ULK4: variants seen among roughly 807,000 people sequenced by gnomAD.
ULK4 encodes unc-51 like kinase 4, also known as inactive serine/threonine-protein kinase ULK4.
Under a neutral mutation model 160.6 loss-of-function variants are expected in ULK4, and 133 were observed. The observed-to-expected ratio is 0.83, with a 90% CI of 0.72 to 0.96. The LOEUF (loss-of-function observed/expected upper bound fraction) is 0.96, where lower values mean the gene tolerates loss of function less well. Ranked by LOEUF, ULK4 falls within the 40% of genes least tolerant of loss-of-function variation. The pLI, the probability that ULK4 is intolerant of heterozygous loss-of-function variation, is 0.00. For synonymous variants in ULK4, 534 were observed against 539.8 expected, an observed-to-expected ratio of 0.99 and a Z score of 0.15; for missense variants, 1,580 against 1,499.5, an observed-to-expected ratio of 1.05 and a Z score of -0.89.
chr3:41,528,046 A>G (rs748121886), intron 32 of ULK4, among the ~76,000 whole-genome samples: 6 of 152,246 alleles, frequency 3.9e-5, no homozygotes, highest in African/African-American at 1.4e-4. Flanking sequence ...ACTGGGACTA[A>G]GAAAACAGAT....
At chr3:41,439,807 A>G (rs2083122315) in intron 34 of ULK4, among the ~76,000 whole-genome samples, 1 of 152,182 alleles carries the variant, frequency 6.6e-6, no homozygotes, top group African/African-American at 2.4e-5. Flanking sequence ...TTTACACATC[A>G]ATTTTGGGAG....
chr3:41,662,233 C>G (rs1245212646), intron 30 of ULK4, among the ~76,000 whole-genome samples: 1 of 152,182 alleles, frequency 6.6e-6, no homozygotes, highest in African/African-American at 2.4e-5. Context: ...TATAGAAACA[C>G]TGAAGCAAAC....
At chr3:41,347,759 C>T (rs1175005041) in intron 35 of ULK4, among the ~76,000 whole-genome samples, 1 of 152,170 alleles carries the variant, frequency 6.6e-6, no homozygotes, top group Admixed American at 6.5e-5. Flanking sequence ...CACTTCTTAT[C>T]CCACATCGTG....
intron 34 of ULK4, among the ~76,000 whole-genome samples, chr3:41,403,938 T>A (rs529231462): frequency 6.6e-6 from 1 of 152,184 alleles, no homozygotes; most frequent in Non-Finnish European, 1.5e-5. Context: ...TCTATTGTTA[T>A]TAGAGAACAA....
intron 17 of ULK4, chr3:41,882,023 GGCCA>G (rs61575884): frequency 0.78 from 448,395 of 578,322 alleles, 180,170 homozygotes; most frequent in East Asian, 0.86. Flanking sequence ...AGTAGAATGA[GGCCA>G]TCACATCACC....
At chr3:41,750,213 G>A (rs1217416742) in intron 22 of ULK4, among the ~76,000 whole-genome samples, 2 of 152,142 alleles carry the variant, frequency 1.3e-5, no homozygotes, top group Non-Finnish European at 2.9e-5. Flanking sequence ...GATGGAGTCT[G>A]GTAATTTTCA....
intron 35 of ULK4, among the ~76,000 whole-genome samples, chr3:41,325,376 T>C (rs2080321515): frequency 6.6e-6 from 1 of 152,268 alleles, no homozygotes; most frequent in Middle Eastern, 3.4e-3. Flanking sequence ...TATAAATACT[T>C]CACTGGTTTC....
At chr3:41,408,427 CAAAAAAAAAA>C (rs59444673) in intron 34 of ULK4, among the ~76,000 whole-genome samples, 1 of 44,104 alleles carries the variant, frequency 2.3e-5, no homozygotes, top group African/African-American at 6.8e-5. Flanking sequence ...GACTCCATCT[CAAAAAAAAAA>C]AAAAAAAAAA....
At chr3:41,706,723 G>T (rs1179733163) in intron 25 of ULK4, among the ~76,000 whole-genome samples, 1 of 151,292 alleles carries the variant, frequency 6.6e-6, no homozygotes, top group South Asian at 2.1e-4. Flanking sequence ...AGCTACTCAG[G>T]AGGCTGAGGC....
intron 32 of ULK4, among the ~76,000 whole-genome samples, chr3:41,538,703 C>A (rs922703061): frequency 6.6e-6 from 1 of 152,100 alleles, no homozygotes; most frequent in Non-Finnish European, 1.5e-5. Context: ...CAGCCCACCA[C>A]AAATGGAGCA....
chr3:41,454,887 G>A (rs190994138), intron 34 of ULK4, among the ~76,000 whole-genome samples: 2 of 151,788 alleles, frequency 1.3e-5, no homozygotes, highest in Admixed American at 6.6e-5. Flanking sequence ...TAGTAGAGAC[G>A]GGGTTTCACC....
At chr3:41,851,390 C>T (rs576367814) in intron 17 of ULK4, among the ~76,000 whole-genome samples, 44 of 152,140 alleles carry the variant, frequency 2.9e-4, no homozygotes, top group Non-Finnish European at 4.7e-4. Flanking sequence ...GATTGATTTG[C>T]GTATGTTGAA....
intron 22 of ULK4, among the ~76,000 whole-genome samples, chr3:41,734,109 T>C (rs1418284685): frequency 1.3e-5 from 2 of 152,086 alleles, no homozygotes; most frequent in Non-Finnish European, 2.9e-5. Flanking sequence ...GCTGAACAAC[T>C]AGAAGCAGGA....
chr3:41,543,861 T>C (rs536554922), intron 32 of ULK4, among the ~76,000 whole-genome samples: 1 of 152,300 alleles, frequency 6.6e-6, no homozygotes, highest in Non-Finnish European at 1.5e-5. Context: ...ACTTCTGAAT[T>C]TCCATTTGGT....
intron 32 of ULK4, among the ~76,000 whole-genome samples, chr3:41,509,401 T>C (rs1373105017): frequency 6.6e-6 from 1 of 152,138 alleles, no homozygotes; most frequent in African/African-American, 2.4e-5. Context: ...AAAACACATT[T>C]AAGAGAATAG....
chr3:41,827,901 T>A (rs2041422721), intron 18 of ULK4, among the ~76,000 whole-genome samples: 1 of 151,962 alleles, frequency 6.6e-6, no homozygotes, highest in East Asian at 1.9e-4. Context: ...AAATCCCCAA[T>A]AAAATACGGG....
chr3:41,356,081 G>A (rs914401322), intron 35 of ULK4, among the ~76,000 whole-genome samples: 9 of 152,156 alleles, frequency 5.9e-5, no homozygotes, highest in African/African-American at 2.2e-4. Flanking sequence ...TTGGTGAGAT[G>A]AAAATAGGTC....
At chr3:41,652,688 A>C (rs1003672565) in intron 30 of ULK4, among the ~76,000 whole-genome samples, 1 of 152,224 alleles carries the variant, frequency 6.6e-6, no homozygotes, top group Non-Finnish European at 1.5e-5. Flanking sequence ...TGGCAGGCGG[A>C]AACAGGAGAA....
At chr3:41,750,961 CAA>C (rs200240053) in intron 22 of ULK4, among the ~76,000 whole-genome samples, 7 of 97,724 alleles carry the variant, frequency 7.2e-5, no homozygotes, top group East Asian at 3.5e-4. Flanking sequence ...GACTCCACCT[CAA>C]AAAAAAAAAA....
Sources: gnomAD v4.1 joint callset for allele counts (sites outside exome capture counted in the v4.1 genomes callset) on GRCh38, gnomAD v4.1.1 for gene constraint, MANE v1.5 for transcripts, NCBI Gene and HGNC (gene_info 2026-07-23, HGNC 2026-07-21) for gene names.